NXPH1: variants seen among roughly 807,000 people sequenced by gnomAD.
NXPH1 encodes neurexophilin 1.
Under a neutral mutation model 23.7 loss-of-function variants are expected in NXPH1, and 5 were observed. The ratio of observed to expected loss-of-function variants is 0.21; its 90% CI spans 0.11 to 0.44. The LOEUF (loss-of-function observed/expected upper bound fraction) is 0.44. Ranked by LOEUF, NXPH1 falls within the 20% of genes least tolerant of loss-of-function variation. The pLI is 0.99. For synonymous variants in NXPH1, 144 were observed against 122.2 expected, an observed-to-expected ratio of 1.18 and a Z score of -1.18; for missense variants, 324 against 321.6, an observed-to-expected ratio of 1.01 and a Z score of -0.06.
chr7:8,682,367 T>G (rs1821069461), intron 2 of NXPH1, among the ~76,000 whole-genome samples: 1 of 152,178 alleles, frequency 6.6e-6, no homozygotes, highest in Non-Finnish European at 1.5e-5. Flanking sequence ...AAAAGCACAC[T>G]AAAGGATTCT....
intron 2 of NXPH1, among the ~76,000 whole-genome samples, chr7:8,477,761 T>A (rs144958258): frequency 1.4e-3 from 206 of 152,218 alleles, no homozygotes; most frequent in African/African-American, 4.7e-3. Flanking sequence ...GGAAACATGC[T>A]TTCTGAGCTG....
chr7:8,751,254 C>A lies in NXPH1; in HGVS notation c.301C>A (p.Arg101=). 1.2e-6 allele frequency: 2 copies of A among 1,613,916 alleles called. No homozygotes were observed. The highest frequency in any genetic ancestry group is 1.7e-6 in the Non-Finnish European group (2 of 1,179,838). The change falls in exon 3 of 3, where the codon CGG becomes AGG. Residue 101 remains arginine, a synonymous_variant. Coordinates refer to ENST00000405863, the MANE Select transcript of NXPH1 (RefSeq NM_152745.3). This position sits in a 1 kb window ranked among gnomAD's most constrained non-coding sequence, Gnocchi z 4.5. ...LRNSTDLQEP[R]PRAKRRPIVK... ...GAACTCCACAGACCTTCAAGAGCCT[C>A]GGCCCAGGGCCAAGAGAAGGCCCAT...
At chr7:8,563,835 T>A (rs2128621050) in intron 2 of NXPH1, among the ~76,000 whole-genome samples, 1 of 151,916 alleles carries the variant, frequency 6.6e-6, no homozygotes, top group East Asian at 2.0e-4. Context: ...TTAACTGGCT[T>A]GCCCAAACCA....
At chr7:8,712,489 T>A (rs1339048162) in intron 2 of NXPH1, among the ~76,000 whole-genome samples, 1 of 152,180 alleles carries the variant, frequency 6.6e-6, no homozygotes, top group Non-Finnish European at 1.5e-5. Flanking sequence ...AATTCTTCCC[T>A]CTGTGTCTTG....
At chr7:8,630,962 T>C in intron 2 of NXPH1, among the ~76,000 whole-genome samples, 1 of 152,280 alleles carries the variant, frequency 6.6e-6, no homozygotes, top group East Asian at 1.9e-4. Context: ...GTATGTGTTG[T>C]TCCCCTCTAT....
chr7:8,470,366 A>C (rs1816853079), intron 2 of NXPH1, among the ~76,000 whole-genome samples: 1 of 152,188 alleles, frequency 6.6e-6, no homozygotes, highest in Non-Finnish European at 1.5e-5. Context: ...AGAGTAACAG[A>C]CTAACATTCT....
intron 2 of NXPH1, among the ~76,000 whole-genome samples, chr7:8,500,056 CT>C (rs1384236753): frequency 6.6e-6 from 1 of 152,030 alleles, no homozygotes; most frequent in Non-Finnish European, 1.5e-5. Context: ...TCCAACAAAT[CT>C]TTTTGTTCTT....
chr7:8,555,602 G>C (rs989060501), intron 2 of NXPH1, among the ~76,000 whole-genome samples: 4 of 151,624 alleles, frequency 2.6e-5, no homozygotes, highest in African/African-American at 9.7e-5. Flanking sequence ...AGCACACCAG[G>C]TTGTAAAAGC....
At chr7:8,617,724 A>G (rs962676353) in intron 2 of NXPH1, among the ~76,000 whole-genome samples, 6 of 152,144 alleles carry the variant, frequency 3.9e-5, no homozygotes, top group African/African-American at 1.4e-4. Context: ...AAAACCTACT[A>G]TTTGATAGAA....
At chr7:8,710,347 T>C (rs1032123363) in intron 2 of NXPH1, among the ~76,000 whole-genome samples, 1 of 152,234 alleles carries the variant, frequency 6.6e-6, no homozygotes, top group Non-Finnish European at 1.5e-5. Flanking sequence ...CCTCCTTGCC[T>C]ATCTGGAAAT....
chr7:8,710,934 C>T (rs146620790), intron 2 of NXPH1, among the ~76,000 whole-genome samples: 29,082 of 149,828 alleles, frequency 0.19, 5,326 homozygotes, highest in South Asian at 0.28. Context: ...AGTGCTGGGA[C>T]TACAGGCGTG....
intron 2 of NXPH1, among the ~76,000 whole-genome samples, chr7:8,680,922 C>T (rs748986307): frequency 7.2e-5 from 11 of 152,198 alleles, no homozygotes; most frequent in Non-Finnish European, 1.5e-4. Context: ...CTAAAGGTAT[C>T]AGCAACCTTC....
intron 2 of NXPH1, among the ~76,000 whole-genome samples, chr7:8,618,560 C>T (rs1819795877): frequency 1.3e-5 from 2 of 152,166 alleles, no homozygotes; most frequent in African/African-American, 4.8e-5. Context: ...GACAAAGTAG[C>T]TGTATTGCAT....
chr7:8,666,951 T>C (rs1820780820), intron 2 of NXPH1, among the ~76,000 whole-genome samples: 1 of 152,032 alleles, frequency 6.6e-6, no homozygotes, highest in Admixed American at 6.5e-5. Flanking sequence ...TATTATCTTT[T>C]AATTTTTTTG....
chr7:8,732,189 C>A (rs1225296496), intron 2 of NXPH1, among the ~76,000 whole-genome samples: 1 of 152,220 alleles, frequency 6.6e-6, no homozygotes, highest in East Asian at 1.9e-4. Context: ...AATGCCTCGC[C>A]ATGCTTCGGC....
At chr7:8,437,481 G>A (rs1816217259) in intron 2 of NXPH1, among the ~76,000 whole-genome samples, 2 of 152,304 alleles carry the variant, frequency 1.3e-5, no homozygotes, top group African/African-American at 4.8e-5. Flanking sequence ...CGCCTGACCT[G>A]AACTTGAGGA....
At chr7:8,661,463 GTTT>G (rs757291616) in intron 2 of NXPH1, among the ~76,000 whole-genome samples, 3 of 152,056 alleles carry the variant, frequency 2.0e-5, no homozygotes, top group Non-Finnish European at 2.9e-5. Flanking sequence ...CTGTTTTTCT[GTTT>G]TGTTTTGGGC....
intron 2 of NXPH1, among the ~76,000 whole-genome samples, chr7:8,557,721 A>G (rs781596878): frequency 1.3e-5 from 2 of 151,692 alleles, no homozygotes; most frequent in Non-Finnish European, 3.0e-5. Context: ...TTCTAAAGGC[A>G]GGACAAACCT....
intron 2 of NXPH1, among the ~76,000 whole-genome samples, chr7:8,581,370 G>A (rs1244933839): frequency 1.3e-5 from 2 of 152,098 alleles, no homozygotes; most frequent in African/African-American, 4.8e-5. Context: ...GGGTGGCTTC[G>A]GAAACTTACA....
Sources: gnomAD v4.1 joint callset for allele counts (sites outside exome capture counted in the v4.1 genomes callset) on GRCh38, gnomAD v4.1.1 for gene constraint, Gnocchi (gnomAD v3.1) non-coding constraint, MANE v1.5 for transcripts, NCBI Gene and HGNC (gene_info 2026-07-23, HGNC 2026-07-21) for gene names.